Variants in CPS1 observed in about 807,000 individuals in gnomAD.
The protein encoded by CPS1 is carbamoyl-phosphate synthase 1.
A neutral mutation model predicts 174.6 loss-of-function variants in CPS1; 109 were observed. The observed-to-expected ratio is 0.62, with a 90% CI of 0.53 to 0.73. CPS1 has a LOEUF of 0.73. CPS1 is among the 30% of genes least tolerant of loss of function. The pLI is 0.00. For missense variants in CPS1, 1,689 were observed against 1,821.9 expected, an observed-to-expected ratio of 0.93 and a Z score of 1.33; for synonymous variants, 637 against 632.0, an observed-to-expected ratio of 1.01 and a Z score of -0.12.
chr2:210,640,497 C>A (rs1700187272), intron 24 of CPS1, among the ~76,000 whole-genome samples: 1 of 152,150 alleles, frequency 6.6e-6, no homozygotes. Flanking sequence ...TCGTTTACCT[C>A]AAATGCAAAA....
intron 1 of CPS1, among the ~76,000 whole-genome samples, chr2:210,568,133 A>T (rs2106061892): frequency 6.6e-6 from 1 of 152,272 alleles, no homozygotes; most frequent in Non-Finnish European, 1.5e-5. Context: ...TTAAAAGGTA[A>T]CACACAACAG....
chr2:210,644,032 A>G (rs1700303427), intron 25 of CPS1, among the ~76,000 whole-genome samples: 1 of 152,122 alleles, frequency 6.6e-6, no homozygotes, highest in South Asian at 2.1e-4. Context: ...ATTAAAAAAC[A>G]TTACAGATGA....
chr2:210,559,785 G>C (rs575941113), intron 1 of CPS1, among the ~76,000 whole-genome samples: 32 of 152,054 alleles, frequency 2.1e-4, no homozygotes, highest in Non-Finnish European at 3.7e-4. Flanking sequence ...CTGAACCTAA[G>C]TTTTGTCATC....
chr2:210,668,413 G>C, intron 34 of CPS1, 129 bp downstream of exon 34: 1 of 744,094 alleles, frequency 1.3e-6, no homozygotes, highest in East Asian at 2.6e-5. Flanking sequence ...GCAACTTCCA[G>C]GAAGAAGGGA....
intron 1 of CPS1, among the ~76,000 whole-genome samples, chr2:210,528,793 T>C (rs10184280): frequency 0.035 from 5,220 of 150,728 alleles, 304 homozygotes; most frequent in African/African-American, 0.12. Flanking sequence ...AGAGTACAGT[T>C]AGTACTAGGA....
chr2:210,564,214 T>C (rs1182806135), intron 1 of CPS1, among the ~76,000 whole-genome samples: 1 of 152,154 alleles, frequency 6.6e-6, no homozygotes, highest in Non-Finnish European at 1.5e-5. Flanking sequence ...AATATCAACA[T>C]CCACGGCAGA....
At chr2:210,580,129 C>T (rs557076919) in intron 5 of CPS1, among the ~76,000 whole-genome samples, 3 of 152,058 alleles carry the variant, frequency 2.0e-5, no homozygotes, top group Admixed American at 1.3e-4. Flanking sequence ...AACAATTTTG[C>T]CTGAAGTGAA....
At chr2:210,514,167 C>G (rs572572455) in intron 1 of CPS1, among the ~76,000 whole-genome samples, 1 of 151,992 alleles carries the variant, frequency 6.6e-6, no homozygotes, top group African/African-American at 2.4e-5. Flanking sequence ...GCTTCTCAAG[C>G]TCTTTTTTGG....
At chr2:210,636,245 T>A (rs1468208857) in intron 21 of CPS1, among the ~76,000 whole-genome samples, 1 of 152,100 alleles carries the variant, frequency 6.6e-6, no homozygotes, top group Non-Finnish European at 1.5e-5. Context: ...CCTTAGCTCT[T>A]TACAAATTAT....
chr2:210,606,830 T>C lies in CPS1; in HGVS notation c.2081T>C (p.Val694Ala). 1 of 1,612,656 alleles carries C rather than the reference T, an allele frequency of 6.2e-7. No individual in the cohort carries two copies. The highest frequency in any genetic ancestry group is 8.5e-7 in the Non-Finnish European group (1 of 1,179,118). Residue 694 changes from valine to alanine, a missense_variant, in exon 18 of 38, where the codon GTG (valine) becomes GCG (alanine). Physicochemically the swap from Val to Ala is moderately conservative, Grantham distance 64. Coordinates refer to ENST00000233072, the MANE Select transcript of CPS1 (RefSeq NM_001875.5). ...SINVVRHLGI[V>A]GECNIQFALH... Reference sequence around the variant, plus strand: ...AATGTTGTTCGCCACTTGGGCATTGTGGGTGAATGCAACATTCAGTTTGCC... The same window carrying C: ...AATGTTGTTCGCCACTTGGGCATTGCGGGTGAATGCAACATTCAGTTTGCC...
chr2:210,544,101 TA>T (rs1323653074), intron 1 of CPS1, among the ~76,000 whole-genome samples: 1 of 152,064 alleles, frequency 6.6e-6, no homozygotes, highest in Non-Finnish European at 1.5e-5. Flanking sequence ...ATAGGAAGAT[TA>T]ATAGACTTGG....
chr2:210,622,632 A>G (rs1317055110), intron 21 of CPS1, among the ~76,000 whole-genome samples: 2 of 151,832 alleles, frequency 1.3e-5, no homozygotes, highest in South Asian at 2.1e-4. Flanking sequence ...TCCCCTTGCT[A>G]TAAGTATGTA....
intron 1 of CPS1, among the ~76,000 whole-genome samples, chr2:210,549,316 G>A (rs1696655589): frequency 6.6e-6 from 1 of 151,956 alleles, no homozygotes; most frequent in Non-Finnish European, 1.5e-5. Context: ...TGGTTTTGTT[G>A]CAATGATAAT....
intron 1 of CPS1, among the ~76,000 whole-genome samples, chr2:210,537,643 C>T (rs925332468): frequency 3.9e-5 from 6 of 152,114 alleles, no homozygotes; most frequent in South Asian, 2.1e-4. Flanking sequence ...TGTAGTAAGT[C>T]GCCACATTTC....
At chr2:210,477,779 C>G in intron 1 of CPS1, 1 of 1,613,324 alleles carries the variant, frequency 6.2e-7, no homozygotes, top group East Asian at 2.2e-5. Context: ...GAGTCTTAAG[C>G]TGGATATCTC....
At chr2:210,675,582 T>C (rs1052867235) in intron 35 of CPS1, 146 bp from the exon 36 acceptor site, 25 of 699,320 alleles carry the variant, frequency 3.6e-5, no homozygotes, top group African/African-American at 7.1e-5. Context: ...CCCATGCCTC[T>C]GGACTGTGAG....
At chr2:210,602,399 G>GA (rs1336827103) in intron 16 of CPS1, 69 bp downstream of exon 16, 2 of 1,540,900 alleles carry the variant, frequency 1.3e-6, no homozygotes, top group East Asian at 4.5e-5. Context: ...TTCAACTAGA[G>GA]AAAGTTATGT....
intron 25 of CPS1, among the ~76,000 whole-genome samples, 158 bp from the exon 26 acceptor site, chr2:210,647,705 A>G (rs989590158): frequency 7.2e-5 from 11 of 152,234 alleles, no homozygotes; most frequent in Admixed American, 2.6e-4. Flanking sequence ...GAAAGTAAAA[A>G]TTTTGTGGCA....
intron 1 of CPS1, among the ~76,000 whole-genome samples, chr2:210,533,435 T>C (rs768572368): frequency 3.6e-4 from 55 of 152,214 alleles, no homozygotes; most frequent in Non-Finnish European, 1.5e-4. Context: ...AATATCATTA[T>C]TCTAATTATA....
Sources: allele counts gnomAD v4.1 joint callset (sites outside exome capture counted in the v4.1 genomes callset), GRCh38; gene constraint gnomAD v4.1.1; transcripts MANE v1.5; gene names NCBI Gene and HGNC (gene_info 2026-07-23, HGNC 2026-07-21).